The following XPA variants were observed in gnomAD, a reference collection of about 807,000 sequenced individuals.
The protein encoded by XPA is XPA, DNA damage recognition and repair factor, also known as DNA repair protein complementing XP-A cells.
Under a neutral mutation model 35.7 loss-of-function variants are expected in XPA, and 27 were observed. The ratio of observed to expected loss-of-function variants is 0.76; its 90% CI spans 0.56 to 1.04. The LOEUF (loss-of-function observed/expected upper bound fraction) is 1.04, where lower values mean the gene tolerates loss of function less well. XPA is among the 50% of genes least tolerant of loss of function. The pLI is 0.00. For missense variants in XPA, 354 were observed against 342.7 expected, an observed-to-expected ratio of 1.03 and a Z score of -0.26; for synonymous variants, 133 against 118.4, an observed-to-expected ratio of 1.12 and a Z score of -0.80.
downstream of XPA, chr9:97,672,441 TG>T (rs1234156238): frequency 1.3e-5 from 2 of 152,252 alleles, no homozygotes; most frequent in African/African-American, 4.8e-5. Context: ...ATTCCTAGAA[TG>T]TTTAAATACC....
the XPA span, chr9:97,655,801 A>T: frequency 6.5e-7 from 1 of 1,542,998 alleles, no homozygotes; most frequent in Non-Finnish European, 8.9e-7. Context: ...TCTGTAGTCA[A>T]AAAACTACTA....
the XPA span, among the ~76,000 whole-genome samples, chr9:97,668,401 C>T: frequency 1.3e-5 from 2 of 152,176 alleles, no homozygotes; most frequent in Non-Finnish European, 2.9e-5. Context: ...TTAAACAGCC[C>T]ACTTTGAATT....
At chr9:97,664,106 G>A in the XPA span, among the ~76,000 whole-genome samples, 1 of 151,954 alleles carries the variant, frequency 6.6e-6, no homozygotes, top group Non-Finnish European at 1.5e-5. Flanking sequence ...TTGAACCTAG[G>A]AGGTGGAGGT....
At chr9:97,676,776 A>C (rs1828379408) in intron 5 of XPA, among the ~76,000 whole-genome samples, 1 of 152,212 alleles carries the variant, frequency 6.6e-6, no homozygotes, top group African/African-American at 2.4e-5. Context: ...TAGTTGATGG[A>C]TACCTCTAGC....
chr9:97,654,424 T>A, the XPA span, among the ~76,000 whole-genome samples: 2 of 152,188 alleles, frequency 1.3e-5, no homozygotes, highest in African/African-American at 2.4e-5. Context: ...TATTATGGGA[T>A]TGCAGCAATT....
At chr9:97,693,860 C>T in intron 1 of XPA, 101 bp from the exon 2 acceptor site, 1 of 1,060,626 alleles carries the variant, frequency 9.4e-7, no homozygotes, top group South Asian at 1.3e-5. Context: ...ATATCTCAAA[C>T]AACACAAGGA....
chr9:97,666,818 C>G, the XPA span: 1 of 1,610,010 alleles, frequency 6.2e-7, no homozygotes, highest in Admixed American at 1.7e-5. Context: ...CAAACATGTC[C>G]TGAAGATCCA....
chr9:97,675,464 T>C lies in XPA; in HGVS notation c.797A>G (p.His266Arg). 6.2e-7 allele frequency: 1 copy of C among 1,613,930 alleles called. No homozygotes were observed. Among genetic ancestry groups the C allele is most frequent in the Non-Finnish European group, 8.5e-7 (1 of 1,179,904 alleles). ...TCACATTTTTTCATATGTCAGTTCA[T>C]GGCCACACATAGTACAAGTCTTACG... The part of the protein sequence containing the change: ...MYRKTCTMCG[H>R]ELTYEKM Residue 266 changes from histidine (H) to arginine (R), a missense_variant, in exon 6 of 6, where the codon CAT (histidine) becomes CGT (arginine). By Grantham distance (29) the His-to-Arg change is conservative (BLOSUM62 0). Transcript: ENST00000375128.
the XPA span, among the ~76,000 whole-genome samples, chr9:97,656,627 G>A: frequency 6.6e-6 from 1 of 152,096 alleles, no homozygotes; most frequent in African/African-American, 2.4e-5. Flanking sequence ...ACATTACAAA[G>A]AATTCTGTAT....
At chr9:97,692,090 C>G (rs896312412) in intron 2 of XPA, among the ~76,000 whole-genome samples, 4 of 151,608 alleles carry the variant, frequency 2.6e-5, no homozygotes, top group African/African-American at 9.7e-5. Context: ...ATTGGGTGCT[C>G]AAGACCAGCT....
chr9:97,665,502 A>G, the XPA span, among the ~76,000 whole-genome samples: 5 of 152,222 alleles, frequency 3.3e-5, no homozygotes, highest in Non-Finnish European at 1.5e-5. Flanking sequence ...AGTGCTCAAC[A>G]GCTCCATCTG....
At chr9:97,666,467 G>C in the XPA span, among the ~76,000 whole-genome samples, 6 of 152,282 alleles carry the variant, frequency 3.9e-5, no homozygotes. Context: ...GTCCATCATA[G>C]TTTGCCATTT....
the XPA span, among the ~76,000 whole-genome samples, chr9:97,668,033 G>C: frequency 1.3e-5 from 2 of 152,212 alleles, no homozygotes; most frequent in Non-Finnish European, 2.9e-5. Flanking sequence ...GCAGGGTTCT[G>C]ATAATTTTGC....
chr9:97,669,749 C>A, the XPA span: 2 of 1,343,470 alleles, frequency 1.5e-6, no homozygotes, highest in Non-Finnish European at 2.1e-6. Context: ...TATTCTCAGC[C>A]ACAAAGATTT....
chr9:97,686,484 T>C (rs1828720545), intron 4 of XPA, among the ~76,000 whole-genome samples: 1 of 152,230 alleles, frequency 6.6e-6, no homozygotes, highest in Non-Finnish European at 1.5e-5. Context: ...AAATTTTTCT[T>C]TTTTTAAAAT....
At position 97,675,326 on chromosome 9, in the gene XPA, G is replaced by T; in HGVS notation, c.*113C>A. ...TTACTGAAGTATTACTTATACAAGGGTTTCATTCATCTATGAAGATGTTGC... is the reference window on the plus strand; with the variant it reads ...TTACTGAAGTATTACTTATACAAGGTTTTCATTCATCTATGAAGATGTTGC... On this transcript the variant is annotated 3_prime_UTR_variant, in exon 6 of 6. Transcript: ENST00000375128. 3 of 1,153,364 alleles carry T rather than the reference G, an allele frequency of 2.6e-6. No homozygotes were observed. The highest frequency in any genetic ancestry group is 3.0e-5 in the South Asian group (2 of 67,428). The allele number at this position is 1,153,364 out of a possible 1,614,324, so 71.4% of individuals were successfully genotyped here.
chr9:97,668,675 C>G, the XPA span, among the ~76,000 whole-genome samples: 2 of 151,752 alleles, frequency 1.3e-5, no homozygotes, highest in Non-Finnish European at 2.9e-5. Flanking sequence ...GTCTCTGAAC[C>G]ACAACAGGAC....
chr9:97,658,699 C>T, the XPA span: 1 of 1,613,400 alleles, frequency 6.2e-7, no homozygotes, highest in East Asian at 2.2e-5. Flanking sequence ...GCTCTGTGTC[C>T]TGCAAACCCA....
At chr9:97,663,112 A>G in the XPA span, 1 of 1,231,706 alleles carries the variant, frequency 8.1e-7, no homozygotes, top group Non-Finnish European at 1.2e-6. Context: ...AAGGCCGTTA[A>G]TTGCCATTGT....
Sources: allele counts gnomAD v4.1 joint callset (sites outside exome capture counted in the v4.1 genomes callset), GRCh38; gene constraint gnomAD v4.1.1; transcripts MANE v1.5; gene names NCBI Gene and HGNC (gene_info 2026-07-23, HGNC 2026-07-21).